The following CAMSAP3 variants were observed in gnomAD, a reference collection of about 807,000 sequenced individuals.
CAMSAP3 encodes the protein calmodulin-regulated spectrin-associated protein 3.
CAMSAP3 carries 34 observed loss-of-function variants against 112.5 expected under a neutral mutation model. That is an observed-to-expected ratio of 0.30 (90% CI 0.23 to 0.40). The LOEUF (loss-of-function observed/expected upper bound fraction) is 0.40, where lower values mean the gene tolerates loss of function less well. Ranked by LOEUF, CAMSAP3 falls within the 10% of genes least tolerant of loss-of-function variation. The probability of loss-of-function intolerance (pLI) is 1.00; values close to 1 mark genes in which losing one functional copy is unlikely to be tolerated. For synonymous variants in CAMSAP3, 868 were observed against 799.8 expected (o/e 1.09, Z -1.44); for missense variants, 1,602 against 1,770.3 (o/e 0.90, Z 1.71).
At chr19:7,606,153 C>CCCT in intron 2 of CAMSAP3, 118 bp from the exon 3 acceptor site, 2 of 471,666 alleles carry the variant, frequency 4.2e-6, no homozygotes, top group Non-Finnish European at 7.3e-6. Context: ...CCCCTCAAGC[C>CCCT]CCACCCCCCC....
intron 4 of CAMSAP3, chr19:7,606,862 C>G (rs757519757): frequency 1.1e-5 from 17 of 1,590,130 alleles, no homozygotes; most frequent in Non-Finnish European, 1.4e-5. Flanking sequence ...GTAGCTCTGT[C>G]TGTCTGTATG....
chr19:7,612,616 C>A lies in CAMSAP3; in HGVS notation c.2123C>A (p.Ala708Asp). ...AATCGAGCGGTCAGCAAGCTGAGTG[C>A]CGCCTTGAGCTCGCTGCAGCGGGAC... ...EYNRAVSKLS[A>D]ALSSLQRDMQ... Residue 708 changes from alanine (A) to aspartate (D), a missense_variant, in exon 11 of 17, where the codon GCC (alanine) becomes GAC (aspartate). Physicochemically the swap from Ala to Asp is moderately radical, Grantham distance 126 (BLOSUM62 -2). Transcript: ENST00000160298. The A allele has an allele frequency of 6.5e-7, 1 of 1,527,856 alleles. No individual in the cohort carries two copies. The highest frequency in any genetic ancestry group is 1.7e-4 in the Middle Eastern group (1 of 5,946). The allele number at this position is 1,527,856 out of a possible 1,614,324, so 94.6% of individuals were successfully genotyped here. A position where few individuals can be genotyped will look rare whatever the true frequency, so the allele number is the denominator to read the frequency against.
chr19:7,611,290 C>T lies in CAMSAP3; in HGVS notation c.1123+122C>T. The T allele has an allele frequency of 9.6e-7, 1 of 1,037,520 alleles. No individual in the cohort carries two copies. Among genetic ancestry groups the T allele is most frequent in the Non-Finnish European group, 1.4e-6 (1 of 694,532 alleles). 64.3% of individuals were successfully genotyped at this position (1,037,520 alleles called of 1,614,324 possible). A position where few individuals can be genotyped will look rare whatever the true frequency, so the allele number is the denominator to read the frequency against. On this transcript the variant is annotated intron_variant, in intron 9 of 16. Coordinates refer to ENST00000160298, the MANE Select transcript of CAMSAP3 (RefSeq NM_020902.2). The surrounding 1 kb of genome is among the most constrained non-coding windows in gnomAD (Gnocchi z 6.9). The stretch of plus-strand genomic sequence containing the variant: ...GCCTCTCCATCAGATCCCCCTTGGG[C>T]ATCCCAAAGTGACCCCCAGAATGGC...
Position 7,611,146 on chromosome 19 carries a change from G to C in CAMSAP3, c.1101G>C (p.Gln367His). 6.2e-7 allele frequency: 1 copy of C among 1,613,618 alleles called. No individual in the cohort carries two copies. The highest frequency in any genetic ancestry group is 8.5e-7 in the Non-Finnish European group (1 of 1,179,946). ...RHPLLSSGGP[Q>H]SPLRGSTGSL... ...CGCTTCTGTCATCTGGTGGCCCCCA[G>C]TCCCCACTCCGAGGATCCACAGGTG... is the stretch of plus-strand genomic sequence containing the variant. The change falls in exon 9 of 17, where the codon CAG becomes CAC. Residue 367 changes from glutamine to histidine, a missense_variant. Gln to His is a conservative substitution (Grantham distance 24). Transcript: ENST00000160298. The surrounding 1 kb of genome is among the most constrained non-coding windows in gnomAD (Gnocchi z 6.9).
In CAMSAP3 at chr19:7,618,275, C is replaced by G. The variant is rs528194829; in HGVS notation, c.*218C>G. 1 of 559,450 alleles carries G rather than the reference C, an allele frequency of 1.8e-6. No homozygotes were observed. The highest frequency in any genetic ancestry group is 2.6e-5 in the South Asian group (1 of 38,852). 34.7% of individuals were successfully genotyped at this position (559,450 alleles called of 1,614,324 possible). ...CTCAGTCCCCTTGTCTGTCCTCCCCCACTTCTTGAATAAAATAATTTAAAG... is the reference window on the plus strand; with the variant it reads ...CTCAGTCCCCTTGTCTGTCCTCCCCGACTTCTTGAATAAAATAATTTAAAG... On this transcript the variant is annotated 3_prime_UTR_variant, in exon 17 of 17. Coordinates refer to ENST00000160298, the MANE Select transcript of CAMSAP3 (RefSeq NM_020902.2).
At chr19:7,616,193 AAGAC>A (rs554674254) in intron 13 of CAMSAP3, among the ~76,000 whole-genome samples, 1,513 of 142,276 alleles carry the variant, frequency 0.011, 18 homozygotes, top group African/African-American at 0.039. Context: ...TCTCAGAAAT[AAGAC>A]AAAAAAAAAA....
Position 7,612,803 on chromosome 19 carries a change from T to TGGGCCC in CAMSAP3, c.2317_2322dup (p.Gly773_Pro774dup), listed in dbSNP as rs1378706419. The TGGGCCC allele has an allele frequency of 4.1e-5, 63 of 1,542,614 alleles. 1 individual carries two copies. In the Admixed American group the frequency reaches 1.2e-3, roughly 28 times the overall value. On this transcript the variant is annotated inframe_insertion, in exon 11 of 17. Transcript: ENST00000160298. ...GAGTCCCGGCCACCCGGCGCAGCCCTGGGCCCGGGCCCAGCCAGTCACCCC... is the reference window on the plus strand; with the variant it reads ...GAGTCCCGGCCACCCGGCGCAGCCCTGGGCCCGGGCCCGGGCCCAGCCAGTCACCCC...
intron 5 of CAMSAP3, among the ~76,000 whole-genome samples, chr19:7,609,111 C>T (rs894316702): frequency 2.6e-5 from 4 of 151,416 alleles, no homozygotes; most frequent in Non-Finnish European, 5.9e-5. Flanking sequence ...CACGAGGTCA[C>T]GAGTTCAAGA....
At position 7,617,468 on chromosome 19, in the gene CAMSAP3, G is replaced by A; in HGVS notation, c.3325+30G>A. 7 of 1,608,818 alleles carry A rather than the reference G, an allele frequency of 4.4e-6. No individual in the cohort carries two copies. Among genetic ancestry groups the A allele is most frequent in the Non-Finnish European group, 5.1e-6 (6 of 1,175,312 alleles). On this transcript the variant is annotated intron_variant, in intron 15 of 16. Transcript: ENST00000160298. This position sits in a 1 kb window ranked among gnomAD's most constrained non-coding sequence, Gnocchi z 7.5. ...GCAGGGGCTCTGGGTGATGTGAGGAGCAACAGGCACCCTCCTCCACAGCCC... is the reference window on the plus strand; with the variant it reads ...GCAGGGGCTCTGGGTGATGTGAGGAACAACAGGCACCCTCCTCCACAGCCC...
Position 7,615,782 on chromosome 19 carries a change from C to G in CAMSAP3, c.3112+63C>G. 1 of 1,239,002 alleles carries G rather than the reference C, an allele frequency of 8.1e-7. No individual in the cohort carries two copies. Among genetic ancestry groups the G allele is most frequent in the Non-Finnish European group, 1.0e-6 (1 of 969,156 alleles). 76.8% of individuals were successfully genotyped at this position (1,239,002 alleles called of 1,614,324 possible). A position where few individuals can be genotyped will look rare whatever the true frequency, so the allele number is the denominator to read the frequency against. On this transcript the variant is annotated intron_variant, in intron 13 of 16. Transcript: ENST00000160298. The surrounding 1 kb of genome is among the most constrained non-coding windows in gnomAD (Gnocchi z 6.5). ...TTTCCGGGGCTCACTGGGTGAGGCC[C>G]CCATGGGTAAGGGGGGAGGGGGAGG...
At chr19:7,603,242 G>C (rs1239463965) in intron 1 of CAMSAP3, among the ~76,000 whole-genome samples, 1 of 149,592 alleles carries the variant, frequency 6.7e-6, no homozygotes, top group South Asian at 2.1e-4. Context: ...TAAGACAGAG[G>C]CTTGCTCTAT....
chr19:7,601,276 G>A (rs530864966), intron 1 of CAMSAP3, among the ~76,000 whole-genome samples: 1 of 152,246 alleles, frequency 6.6e-6, no homozygotes, highest in East Asian at 1.9e-4. Context: ...TGGCTTCTAG[G>A]AAACTTGACG....
rs2030670390 is a variant in CAMSAP3, at chr19:7,614,338, T to TTG, written c.2671-844_2671-843insGT. On this transcript the variant is annotated intron_variant, in intron 11 of 16. Coordinates refer to ENST00000160298, the MANE Select transcript of CAMSAP3 (RefSeq NM_020902.2). ...CTTCCTTTTCATTTTTTTTTTTTGT[T>TTG]TTGTTTTCTTTTGTTTTTTGTTTTT... 7.3e-5 allele frequency among the ~76,000 whole-genome samples: 9 copies of TTG among 123,696 alleles called. No individual in the cohort carries two copies. The South Asian group carries it at 1.9e-3, about 26-fold the overall frequency. The allele number at this position is 123,696 out of a possible 152,430, so 81.1% of individuals were successfully genotyped here.
At position 7,606,538 on chromosome 19, in the gene CAMSAP3, C is replaced by T; in HGVS notation, c.588C>T (p.Ala196=). 1.3e-6 allele frequency: 2 copies of T among 1,553,452 alleles called. No individual in the cohort carries two copies. Among genetic ancestry groups the T allele is most frequent in the Admixed American group, 1.9e-5 (1 of 52,782 alleles). The change falls in exon 4 of 17, where the codon GCC becomes GCT. Residue 196 remains alanine (A), a synonymous_variant. Coordinates refer to ENST00000160298, the MANE Select transcript of CAMSAP3 (RefSeq NM_020902.2). ...CGGCCCAGCGAGCCTCTCCAGCAGCCCCTGCAGACGGGGCGGCCCCGGCGC... is the reference window on the plus strand; with the variant it reads ...CGGCCCAGCGAGCCTCTCCAGCAGCTCCTGCAGACGGGGCGGCCCCGGCGC... ...QEAAQRASPA[A]PADGAAPAQP... is the part of the protein sequence containing the mutation.
In CAMSAP3 at chr19:7,611,630, G is replaced by A; in HGVS notation, c.1193+44G>A. On this transcript the variant is annotated intron_variant, in intron 10 of 16. Transcript: ENST00000160298. The surrounding 1 kb of genome is among the most constrained non-coding windows in gnomAD (Gnocchi z 6.9). ...CCAGGGTAGGGGGTGGAGCAGGCTA[G>A]GGCGGGTTGGGGCCGAGGCTGGTCC... 6.3e-7 allele frequency: 1 copy of A among 1,592,172 alleles called. No homozygotes were observed.
chr19:7,616,664 C>T, intron 14 of CAMSAP3, 42 bp downstream of exon 14: 1 of 1,434,996 alleles, frequency 7.0e-7, no homozygotes, highest in Non-Finnish European at 9.7e-7. Context: ...TGCCGGGTGG[C>T]TTCCCAGAGC....
rs749017357 is a variant in CAMSAP3 at position 7,610,317 on chromosome 19, C to CA, written c.761-143dup. On this transcript the variant is annotated intron_variant, in intron 5 of 16. Transcript: ENST00000160298. This position sits in a 1 kb window ranked among gnomAD's most constrained non-coding sequence, Gnocchi z 4.9. Reference sequence around the variant, plus strand: ...TGGGTGACAGAGCGAGACTCCATCTCAAAAAAAAAAAAAAAAGAATTCACC... The same window carrying CA: ...TGGGTGACAGAGCGAGACTCCATCTCAAAAAAAAAAAAAAAAAGAATTCACC... Among the ~76,000 whole-genome samples, 15,085 of 111,458 alleles carry CA rather than the reference C, an allele frequency of 0.14. 871 individuals carry two copies. Among genetic ancestry groups the CA allele is most frequent in the Non-Finnish European group, 0.17 (8,595 of 51,658 alleles). The allele number at this position is 111,458 out of a possible 152,430, so 73.1% of individuals were successfully genotyped here.
chr19:7,599,688 A>G (rs1421468678), intron 1 of CAMSAP3, among the ~76,000 whole-genome samples: 1 of 26,394 alleles, frequency 3.8e-5, no homozygotes, highest in Non-Finnish European at 6.8e-5. Flanking sequence ...CCACTCATCC[A>G]TCCACCCACG....
intron 5 of CAMSAP3, 150 bp downstream of exon 5, chr19:7,608,414 GTC>G (rs1193497298): frequency 6.7e-6 from 6 of 890,374 alleles, no homozygotes; most frequent in Non-Finnish European, 1.0e-5. Context: ...CTGAGTTTGT[GTC>G]TCTCTCTTCC....
Sources: gnomAD v4.1 joint callset for allele counts (sites outside exome capture counted in the v4.1 genomes callset) on GRCh38, gnomAD v4.1.1 for gene constraint, Gnocchi (gnomAD v3.1) non-coding constraint, MANE v1.5 for transcripts, NCBI Gene and HGNC (gene_info 2026-07-23, HGNC 2026-07-21) for gene names.